CYB5R4: variants seen among roughly 807,000 people sequenced by gnomAD.
The protein encoded by CYB5R4 is cytochrome b5 reductase 4, also known as N-terminal cytochrome b5 and cytochrome b5 oxidoreductase domain-containing protein.
CYB5R4 carries 55 observed loss-of-function variants against 70.2 expected under a neutral mutation model. The observed-to-expected ratio is 0.78, with a 90% CI of 0.63 to 0.98. The LOEUF (loss-of-function observed/expected upper bound fraction) is 0.98. CYB5R4 is among the 50% of genes least tolerant of loss of function. The pLI, the probability that CYB5R4 is intolerant of heterozygous loss-of-function variation, is 0.00. For missense variants in CYB5R4, 562 were observed against 612.6 expected (o/e 0.92, Z 0.87); for synonymous variants, 197 against 199.5 (o/e 0.99, Z 0.11).
At chr6:83,866,337 C>G (rs548193124) in intron 2 of CYB5R4, among the ~76,000 whole-genome samples, 1 of 152,236 alleles carries the variant, frequency 6.6e-6, no homozygotes, top group Admixed American at 6.5e-5. Context: ...TGCTTGGGAT[C>G]AGAAGTATTT....
intron 2 of CYB5R4, among the ~76,000 whole-genome samples, chr6:83,865,455 C>A (rs144455363): frequency 6.6e-6 from 1 of 152,252 alleles, no homozygotes; most frequent in African/African-American, 2.4e-5. Flanking sequence ...CAATTTGTTC[C>A]ATGCCTCTCA....
At chr6:83,904,021 T>TA (rs2129136704) in intron 3 of CYB5R4, among the ~76,000 whole-genome samples, 1 of 152,240 alleles carries the variant, frequency 6.6e-6, no homozygotes, top group South Asian at 2.1e-4. Context: ...TGTATCTTTT[T>TA]AAAAAATCTA....
intron 4 of CYB5R4, chr6:83,910,373 G>C (rs539181190): frequency 4.0e-6 from 2 of 505,462 alleles, no homozygotes; most frequent in Non-Finnish European, 7.1e-6. Flanking sequence ...GGGAGGCTGG[G>C]AGTCATTCTG....
intron 2 of CYB5R4, among the ~76,000 whole-genome samples, chr6:83,884,048 TATAAC>T (rs2099459880): frequency 1.3e-5 from 2 of 151,860 alleles, no homozygotes; most frequent in South Asian, 2.1e-4. Flanking sequence ...AACAGAGACA[TATAAC>T]AGAAAACTTG....
intron 1 of CYB5R4, among the ~76,000 whole-genome samples, chr6:83,860,134 A>G (rs2099455704): frequency 1.3e-5 from 2 of 151,206 alleles, no homozygotes; most frequent in African/African-American, 4.9e-5. Context: ...TTAAATTTAT[A>G]TGACAGAGCC....
intron 3 of CYB5R4, among the ~76,000 whole-genome samples, chr6:83,907,098 A>G (rs146153990): frequency 2.0e-5 from 3 of 151,992 alleles, no homozygotes; most frequent in Non-Finnish European, 2.9e-5. Context: ...TTTTTTTTCA[A>G]ACAGGGTCTT....
At position 83,919,292 on chromosome 6, in the gene CYB5R4, A is replaced by G. The variant is rs533241062; in HGVS notation, c.507-105A>G. The G allele has an allele frequency of 6.1e-5, 38 of 620,756 alleles. No homozygotes were observed. In the African/African-American group the frequency reaches 6.9e-4, roughly 11 times the overall value. The allele number at this position is 620,756 out of a possible 1,614,324, so 38.5% of individuals were successfully genotyped here. On this transcript the variant is annotated intron_variant, in intron 6 of 15. Transcript: ENST00000369681. Reference sequence around the variant, plus strand: ...TTAGAAAAAAAGCTTAACCTAGAGAAATACAGATATGTCTCATTATAAATT... The same window carrying G: ...TTAGAAAAAAAGCTTAACCTAGAGAGATACAGATATGTCTCATTATAAATT...
At chr6:83,898,578 G>A (rs111435392) in intron 3 of CYB5R4, among the ~76,000 whole-genome samples, 1 of 152,172 alleles carries the variant, frequency 6.6e-6, no homozygotes, top group African/African-American at 2.4e-5. Context: ...TCACGATATT[G>A]ATTCTTCCTA....
rs1231398068 is a variant in CYB5R4 at position 83,961,283 on chromosome 6, C to G, written c.*1405C>G. 3 of 152,094 alleles carry G rather than the reference C, an allele frequency of 2.0e-5. No homozygotes were observed. Among genetic ancestry groups the G allele is most frequent in the Admixed American group, 1.3e-4 (2 of 15,266 alleles). The allele number at this position is 152,094 out of a possible 1,614,324, so 9.4% of individuals were successfully genotyped here. ...ACTGGTACTGTTCCCTGGTAGGTAA[C>G]AAGAACTTTTTCTAGCTTCATGCCT... On this transcript the variant is annotated 3_prime_UTR_variant, in exon 16 of 16. Transcript: ENST00000369681.
intron 3 of CYB5R4, among the ~76,000 whole-genome samples, chr6:83,895,164 C>A (rs1400772708): frequency 6.6e-6 from 1 of 151,930 alleles, no homozygotes; most frequent in Non-Finnish European, 1.5e-5. Flanking sequence ...TGCCTGCCTG[C>A]TGTCTGTCTG....
At chr6:83,912,005 C>T (rs753614072) in intron 4 of CYB5R4, among the ~76,000 whole-genome samples, 48 of 144,662 alleles carry the variant, frequency 3.3e-4, no homozygotes, top group Non-Finnish European at 4.3e-4. Context: ...TGCAGTGAGC[C>T]GAGATATCAC....
rs1175520861 is a variant in CYB5R4, at chr6:83,960,253, A to C, written c.*375A>C. 2 of 166,138 alleles carry C rather than the reference A, an allele frequency of 1.2e-5. No homozygotes were observed. The highest frequency in any genetic ancestry group is 2.6e-5 in the Non-Finnish European group (2 of 77,698). The allele number at this position is 166,138 out of a possible 1,614,324, so 10.3% of individuals were successfully genotyped here. On this transcript the variant is annotated 3_prime_UTR_variant, in exon 16 of 16. Transcript: ENST00000369681. Reference sequence around the variant, plus strand: ...TTTCTATGCTGTAAAATGTCTTATTAGCAATACAGATTAAATTTTACCTTG... The same window carrying C: ...TTTCTATGCTGTAAAATGTCTTATTCGCAATACAGATTAAATTTTACCTTG...
rs561318772 is a variant in CYB5R4, at chr6:83,873,415, A to G, written c.229+9087A>G. 3.5e-3 allele frequency among the ~76,000 whole-genome samples: 527 copies of G among 151,304 alleles called. 2 individuals are homozygous for G. The highest frequency in any genetic ancestry group is 0.012 in the African/African-American group (482 of 41,244). On this transcript the variant is annotated intron_variant, in intron 2 of 15. Coordinates refer to ENST00000369681, the MANE Select transcript of CYB5R4 (RefSeq NM_016230.4). The stretch of plus-strand genomic sequence containing the variant: ...TCACCACACTCGGCTAATTTTTTGT[A>G]TTTTTAGTAGAGATGGGGTTTCACC...
chr6:83,874,331 CAGG>C (rs1305618417), intron 2 of CYB5R4, among the ~76,000 whole-genome samples: 1 of 151,282 alleles, frequency 6.6e-6, no homozygotes, highest in Non-Finnish European at 1.5e-5. Context: ...GCTGGAACTA[CAGG>C]TGTGCACCAA....
chr6:83,866,843 T>G (rs1315293935), intron 2 of CYB5R4, among the ~76,000 whole-genome samples: 1 of 152,100 alleles, frequency 6.6e-6, no homozygotes, highest in African/African-American at 2.4e-5. Context: ...GGTCTTGAAT[T>G]CCAGGTCTCA....
In CYB5R4 at chr6:83,955,942, G is replaced by A. The variant is rs1239033341; in HGVS notation, c.1511+480G>A. Among the ~76,000 whole-genome samples, 3 of 152,192 alleles carry A rather than the reference G, an allele frequency of 2.0e-5. No homozygotes were observed. The East Asian group carries it at 5.8e-4, about 29-fold the overall frequency. On this transcript the variant is annotated intron_variant, in intron 15 of 15. Coordinates refer to ENST00000369681, the MANE Select transcript of CYB5R4 (RefSeq NM_016230.4). The stretch of plus-strand genomic sequence containing the variant: ...GAACACAAATAAGGCAAGACTAATA[G>A]TTGAAGCATGGATCATGAAAAATCA...
intron 14 of CYB5R4, among the ~76,000 whole-genome samples, chr6:83,955,059 T>TA (rs1019649820): frequency 1.3e-4 from 20 of 151,014 alleles, no homozygotes; most frequent in Middle Eastern, 3.4e-3. Context: ...TAGTTCAATT[T>TA]AAAAAAAAAT....
intron 12 of CYB5R4, among the ~76,000 whole-genome samples, chr6:83,937,915 C>T (rs541622401): frequency 1.4e-4 from 21 of 152,278 alleles, no homozygotes; most frequent in Admixed American, 1.3e-3. Flanking sequence ...GTGTCACCTC[C>T]TTTTTCTATA....
intron 2 of CYB5R4, among the ~76,000 whole-genome samples, chr6:83,887,370 A>C (rs546018878): frequency 1.3e-5 from 2 of 152,178 alleles, no homozygotes; most frequent in Non-Finnish European, 2.9e-5. Flanking sequence ...AAAGTACTAA[A>C]TGGTAATTTT....
Sources: gnomAD v4.1 joint callset for allele counts (sites outside exome capture counted in the v4.1 genomes callset) on GRCh38, gnomAD v4.1.1 for gene constraint, MANE v1.5 for transcripts, NCBI Gene and HGNC (gene_info 2026-07-23, HGNC 2026-07-21) for gene names.